NBEA: variants seen among roughly 807,000 people sequenced by gnomAD.
NBEA encodes lysosomal-trafficking regulator 2.
In NBEA, 44 loss-of-function variants were observed where a neutral mutation model predicts 343.4. The ratio of observed to expected loss-of-function variants is 0.13; its 90% confidence interval spans 0.10 to 0.16. The LOEUF is 0.16. Ranked by LOEUF, NBEA falls within the 10% of genes least tolerant of loss-of-function variation. The probability of loss-of-function intolerance (pLI) is 1.00; values close to 1 mark genes in which losing one functional copy is unlikely to be tolerated. For synonymous variants in NBEA, 1,175 were observed against 1,238.7 expected (o/e 0.95, Z 1.08); for missense variants, 2,555 against 3,631.3 (o/e 0.70, Z 7.62).
chr13:35,399,894 A>G (rs1009331737), intron 38 of NBEA, among the ~76,000 whole-genome samples: 2 of 152,040 alleles, frequency 1.3e-5, no homozygotes, highest in Non-Finnish European at 2.9e-5. Context: ...CTCAGGGAAT[A>G]GGGAAGCCCA....
intron 38 of NBEA, among the ~76,000 whole-genome samples, chr13:35,369,398 G>A (rs1356551245): frequency 6.6e-6 from 1 of 151,574 alleles, no homozygotes; most frequent in Non-Finnish European, 1.5e-5. Context: ...ATGAATTTTA[G>A]GACTTTTTGT....
At chr13:35,382,752 G>A (rs1341253805) in intron 38 of NBEA, among the ~76,000 whole-genome samples, 6 of 152,066 alleles carry the variant, frequency 3.9e-5, no homozygotes. Context: ...AAAAATGCCT[G>A]TATTTTGCAA....
chr13:35,331,632 G>GATAACA (rs2038932273), intron 36 of NBEA, among the ~76,000 whole-genome samples: 2 of 152,006 alleles, frequency 1.3e-5, no homozygotes, highest in Admixed American at 1.3e-4. Flanking sequence ...GCATTTAAAA[G>GATAACA]ATAACAAACT....
At chr13:34,992,978 C>T (rs1005166358) in intron 1 of NBEA, among the ~76,000 whole-genome samples, 8 of 152,126 alleles carry the variant, frequency 5.3e-5, no homozygotes, top group African/African-American at 1.9e-4. Flanking sequence ...CCACCACGCC[C>T]AGCCAAGGCT....
chr13:34,968,080 C>T (rs1227887106), intron 1 of NBEA, among the ~76,000 whole-genome samples: 3 of 152,194 alleles, frequency 2.0e-5, no homozygotes, highest in South Asian at 4.1e-4. Flanking sequence ...AAGTGCTACA[C>T]TTACAATTAC....
intron 1 of NBEA, among the ~76,000 whole-genome samples, chr13:35,008,601 G>T (rs1178592041): frequency 6.6e-6 from 1 of 152,092 alleles, no homozygotes; most frequent in Non-Finnish European, 1.5e-5. Flanking sequence ...GCATAATGCA[G>T]CTCTGTATTT....
intron 39 of NBEA, among the ~76,000 whole-genome samples, chr13:35,451,264 C>T (rs2046298214): frequency 6.6e-6 from 1 of 152,144 alleles, no homozygotes; most frequent in Admixed American, 6.5e-5. Context: ...GCTGGGACCA[C>T]AGGCTTTTGG....
At chr13:35,022,497 T>C (rs926709500) in intron 1 of NBEA, among the ~76,000 whole-genome samples, 2 of 152,148 alleles carry the variant, frequency 1.3e-5, no homozygotes, top group African/African-American at 4.8e-5. Context: ...CCTTTGTTTC[T>C]TAGCTGGGGT....
intron 38 of NBEA, among the ~76,000 whole-genome samples, chr13:35,353,867 A>C (rs2152866873): frequency 6.6e-6 from 1 of 152,266 alleles, no homozygotes; most frequent in South Asian, 2.1e-4. Flanking sequence ...TCATTAACTA[A>C]ATTTATTTTA....
chr13:35,174,334 G>GC (rs1281943819), intron 27 of NBEA, among the ~76,000 whole-genome samples: 1 of 151,826 alleles, frequency 6.6e-6, no homozygotes, highest in East Asian at 1.9e-4. Context: ...TGACACCCTC[G>GC]CTACCACCCC....
chr13:35,070,114 A>G lies in NBEA; in HGVS notation c.1437+9A>G. On this transcript the variant is annotated intron_variant, in intron 9 of 58. Transcript: ENST00000379939. ...ATGCTCTAATGCTTCAGGTGGGTGA[A>G]TCGTGGCTTTGTTTTCATGTTCTTG... The G allele has an allele frequency of 6.7e-7, 1 of 1,490,852 alleles. No homozygotes were observed. The highest frequency in any genetic ancestry group is 9.0e-7 in the Non-Finnish European group (1 of 1,112,726). The allele number at this position is 1,490,852 out of a possible 1,614,324, so 92.4% of individuals were successfully genotyped here.
chr13:35,249,022 T>C (rs574618405), intron 34 of NBEA, among the ~76,000 whole-genome samples: 47 of 151,984 alleles, frequency 3.1e-4, no homozygotes, highest in African/African-American at 1.1e-3. Flanking sequence ...GTTGGCATAT[T>C]GCTGTAATCC....
At position 35,025,963 on chromosome 13, in the gene NBEA, AT is replaced by A. The variant is rs113441426; in HGVS notation, c.295-14960del. On this transcript the variant is annotated intron_variant, in intron 1 of 58. Coordinates refer to ENST00000379939, the MANE Select transcript of NBEA (RefSeq NM_001385012.1). ...AGTGAACAAATTCTTTTGCATTTTG[AT>A]TTTTTTTTTCTTGAAGTCTGATATA... 4.2e-3 allele frequency among the ~76,000 whole-genome samples: 625 copies of A among 149,704 alleles called. 4 individuals carry two copies. The highest frequency in any genetic ancestry group is 0.014 in the African/African-American group (585 of 40,858).
intron 38 of NBEA, among the ~76,000 whole-genome samples, chr13:35,411,932 C>T (rs61948745): frequency 0.058 from 8,855 of 151,994 alleles, 303 homozygotes; most frequent in Non-Finnish European, 0.072. Context: ...ATTCTTCCAC[C>T]GAAACTTTAC....
At chr13:35,467,566 T>G (rs182685892) in intron 40 of NBEA, among the ~76,000 whole-genome samples, 237 of 152,310 alleles carry the variant, frequency 1.6e-3, no homozygotes, top group African/African-American at 5.6e-3. Flanking sequence ...TACCACTTTA[T>G]AAAAATAATT....
At chr13:35,151,342 G>A (rs559015532) in intron 18 of NBEA, among the ~76,000 whole-genome samples, 3 of 151,840 alleles carry the variant, frequency 2.0e-5, no homozygotes, top group South Asian at 2.1e-4. Context: ...TTGGGAGTTC[G>A]AGACCAGCCT....
intron 33 of NBEA, among the ~76,000 whole-genome samples, chr13:35,226,605 T>C (rs1473516880): frequency 6.6e-6 from 1 of 152,092 alleles, no homozygotes; most frequent in African/African-American, 2.4e-5. Context: ...TTCTTGAGTT[T>C]ATATTTTTAT....
chr13:35,095,208 A>G (rs1339246021), intron 10 of NBEA, among the ~76,000 whole-genome samples: 1 of 151,660 alleles, frequency 6.6e-6, no homozygotes, highest in African/African-American at 2.4e-5. Flanking sequence ...ATCACATTAC[A>G]TGAGTTATCT....
intron 42 of NBEA, 36 bp downstream of exon 42, chr13:35,550,630 C>A (rs753363609): frequency 8.1e-6 from 10 of 1,236,980 alleles, no homozygotes; most frequent in South Asian, 1.3e-5. Flanking sequence ...AAAATGTGCT[C>A]ATATTTACAT....
Sources: gnomAD v4.1 joint callset for allele counts (sites outside exome capture counted in the v4.1 genomes callset) on GRCh38, gnomAD v4.1.1 for gene constraint, MANE v1.5 for transcripts, NCBI Gene and HGNC (gene_info 2026-07-23, HGNC 2026-07-21) for gene names.